The following JARID2 variants were observed in gnomAD, a reference collection of about 807,000 sequenced individuals.
JARID2 encodes the protein protein Jumonji.
In JARID2, 21 loss-of-function variants were observed where a neutral mutation model predicts 125.6. The observed-to-expected ratio is 0.17, with a 90% CI of 0.12 to 0.24. JARID2 has a LOEUF of 0.24. Ranked by LOEUF, JARID2 falls within the 10% of genes least tolerant of loss-of-function variation. The pLI, the probability that JARID2 is intolerant of heterozygous loss-of-function variation, is 1.00. For synonymous variants in JARID2, 736 were observed against 661.6 expected, an observed-to-expected ratio of 1.11 and a Z score of -1.73; for missense variants, 1,303 against 1,639.6, an observed-to-expected ratio of 0.79 and a Z score of 3.55.
chr6:15,490,636 G>C (rs1770106333), intron 6 of JARID2, among the ~76,000 whole-genome samples: 1 of 152,226 alleles, frequency 6.6e-6, no homozygotes, highest in African/African-American at 2.4e-5. Flanking sequence ...CATGGGGCTG[G>C]GAGTGCCCCT....
At chr6:15,501,471 A>G in intron 8 of JARID2, 62 bp downstream of exon 8, 1 of 1,466,378 alleles carries the variant, frequency 6.8e-7, no homozygotes, top group Non-Finnish European at 9.1e-7. Flanking sequence ...TGAGAGAGGA[A>G]GTGGAGCGTG....
At chr6:15,397,266 T>C (rs1488449474) in intron 2 of JARID2, among the ~76,000 whole-genome samples, 2 of 152,212 alleles carry the variant, frequency 1.3e-5, no homozygotes, top group Non-Finnish European at 2.9e-5. Flanking sequence ...TGTGATATGG[T>C]CAATACTACG....
chr6:15,435,184 G>T (rs1767149093), intron 3 of JARID2, among the ~76,000 whole-genome samples: 1 of 152,122 alleles, frequency 6.6e-6, no homozygotes, highest in Admixed American at 6.5e-5. Flanking sequence ...TATTTCCCCT[G>T]AATGTGAAAA....
At chr6:15,271,104 C>T (rs911972880) in intron 1 of JARID2, among the ~76,000 whole-genome samples, 1 of 152,178 alleles carries the variant, frequency 6.6e-6, no homozygotes, top group African/African-American at 2.4e-5. Context: ...TGTAGCCTTT[C>T]ATTTTATTTC....
intron 1 of JARID2, among the ~76,000 whole-genome samples, chr6:15,295,922 A>G (rs753687940): frequency 1.1e-4 from 17 of 152,126 alleles, no homozygotes; most frequent in South Asian, 6.2e-4. Flanking sequence ...TGGCCTCCCA[A>G]TGTGCGGGGA....
chr6:15,416,466 A>C (rs1374648018), intron 3 of JARID2, among the ~76,000 whole-genome samples: 1 of 152,034 alleles, frequency 6.6e-6, no homozygotes, highest in Non-Finnish European at 1.5e-5. Flanking sequence ...CTGGCGGATC[A>C]CTCGCGGTTA....
At chr6:15,405,841 C>T (rs1483453158) in intron 2 of JARID2, among the ~76,000 whole-genome samples, 1 of 152,188 alleles carries the variant, frequency 6.6e-6, no homozygotes, top group Admixed American at 6.5e-5. Context: ...AATAATGGCT[C>T]TGTTGCCCTG....
Position 15,496,923 on chromosome 6 carries a change from G to T in JARID2, c.1698G>T (p.Glu566Asp). ...EIPVLRPSAK[E>D]FHDPLIYIES... ...CCGTCCTCAGGCCCTCCGCCAAGGA[G>T]TTCCACGATCCGCTCATCTACATCG... is the stretch of plus-strand genomic sequence containing the variant. The change falls in exon 7 of 18, where the codon GAG (glutamate) becomes GAT (aspartate). Residue 566 changes from glutamate (E) to aspartate (D), a missense_variant. Glu to Asp is a conservative substitution (Grantham distance 45). Around this residue, in one of 11 missense-constraint regions of JARID2, gnomAD observed 651 missense variants for 581.6 expected, o/e 1.12. Coordinates refer to ENST00000341776, the MANE Select transcript of JARID2 (RefSeq NM_004973.4). 1 of 1,603,104 alleles carries T rather than the reference G, an allele frequency of 6.2e-7. No individual in the cohort carries two copies. Among genetic ancestry groups the T allele is most frequent in the Non-Finnish European group, 8.5e-7 (1 of 1,172,268 alleles).
At chr6:15,472,861 C>T (rs183314969) in intron 5 of JARID2, among the ~76,000 whole-genome samples, 50 of 152,346 alleles carry the variant, frequency 3.3e-4, no homozygotes, top group South Asian at 1.9e-3. Context: ...TCTTCAGCAG[C>T]GTCATAGGGA....
intron 1 of JARID2, among the ~76,000 whole-genome samples, chr6:15,254,029 CCTTTGGAGAGG>C (rs1321254483): frequency 6.6e-6 from 1 of 152,174 alleles, no homozygotes; most frequent in African/African-American, 2.4e-5. Flanking sequence ...CTGTTGGCAG[CCTTTGGAGAGG>C]CTTTTTGCTT....
Position 15,511,352 on chromosome 6 carries a change from T to C in JARID2, c.2903T>C (p.Leu968Pro), listed in dbSNP as rs767877427. The change falls in exon 13 of 18, where the codon CTG becomes CCG. Residue 968 changes from leucine to proline, a missense_variant. Transcript: ENST00000341776. ...NKLEDVVHTLLQANGTPGLQM... is the reference protein window; with the variant it reads ...NKLEDVVHTLPQANGTPGLQM... ...CTGGAAGATGTGGTCCACACCCTGCTGCAAGCCAATGGCACCCCAGGGCTG... is the reference window on the plus strand; with the variant it reads ...CTGGAAGATGTGGTCCACACCCTGCCGCAAGCCAATGGCACCCCAGGGCTG... 1 of 1,613,992 alleles carries C rather than the reference T, an allele frequency of 6.2e-7. No homozygotes were observed. The highest frequency in any genetic ancestry group is 1.3e-5 in the African/African-American group (1 of 75,044).
intron 3 of JARID2, among the ~76,000 whole-genome samples, chr6:15,439,656 T>A (rs1200828867): frequency 2.0e-5 from 3 of 152,188 alleles, no homozygotes; most frequent in Admixed American, 6.5e-5. Flanking sequence ...ACAGCTTGGG[T>A]GTTTTTATCT....
At chr6:15,304,597 C>A (rs138970993) in intron 1 of JARID2, among the ~76,000 whole-genome samples, 1 of 152,054 alleles carries the variant, frequency 6.6e-6, no homozygotes, top group East Asian at 1.9e-4. Context: ...ATGGCCTTTC[C>A]CCCTCTAACC....
chr6:15,263,074 T>TG (rs1759945321), intron 1 of JARID2, among the ~76,000 whole-genome samples: 1 of 139,718 alleles, frequency 7.2e-6, no homozygotes, highest in Non-Finnish European at 1.5e-5. Flanking sequence ...GGGTGTGTGT[T>TG]TGTGTGTGTG....
intron 2 of JARID2, among the ~76,000 whole-genome samples, chr6:15,393,766 A>G (rs1765113478): frequency 6.6e-6 from 1 of 152,212 alleles, no homozygotes; most frequent in African/African-American, 2.4e-5. Flanking sequence ...TGCGTAAATA[A>G]GAGGAGGAGG....
intron 3 of JARID2, among the ~76,000 whole-genome samples, chr6:15,432,373 AG>A (rs1237422551): frequency 2.6e-5 from 4 of 152,294 alleles, no homozygotes; most frequent in African/African-American, 9.6e-5. Context: ...GGTGGCAGTG[AG>A]CTGAGATTGC....
chr6:15,484,602 C>G (rs1424365747), intron 5 of JARID2, among the ~76,000 whole-genome samples: 1 of 152,230 alleles, frequency 6.6e-6, no homozygotes, highest in Admixed American at 6.5e-5. Context: ...TTCTACCTAC[C>G]GGAACATCTG....
chr6:15,268,850 CA>C (rs977444013), intron 1 of JARID2, among the ~76,000 whole-genome samples: 1 of 152,110 alleles, frequency 6.6e-6, no homozygotes, highest in African/African-American at 2.4e-5. Flanking sequence ...GACTACAGAA[CA>C]AAATAAAAAC....
intron 1 of JARID2, among the ~76,000 whole-genome samples, chr6:15,322,247 G>A (rs139294253): frequency 2.0e-5 from 3 of 152,332 alleles, no homozygotes; most frequent in African/African-American, 7.2e-5. Context: ...TCAAGGAGCA[G>A]TAAGAGTGAG....
Sources: gnomAD v4.1 joint callset for allele counts (sites outside exome capture counted in the v4.1 genomes callset) on GRCh38, gnomAD v4.1.1 for gene constraint, gnomAD v4.1.1 regional missense constraint, MANE v1.5 for transcripts, NCBI Gene and HGNC (gene_info 2026-07-23, HGNC 2026-07-21) for gene names.